Variants in HIKESHI observed in about 807,000 individuals in gnomAD.
HIKESHI encodes the protein heat shock protein nuclear import factor hikeshi.
In HIKESHI, 13 loss-of-function variants were observed where a neutral mutation model predicts 25.7. That is an observed-to-expected ratio of 0.51 (90% CI 0.33 to 0.80). HIKESHI has a LOEUF of 0.80. Ranked by LOEUF, HIKESHI falls within the 30% of genes least tolerant of loss-of-function variation. The pLI, the probability that HIKESHI is intolerant of heterozygous loss-of-function variation, is 0.02. For missense variants in HIKESHI, 174 were observed against 229.5 expected (o/e 0.76, Z 1.56); for synonymous variants, 76 against 78.7 (o/e 0.97, Z 0.18).
At chr11:86,337,964 A>G (rs769210540) in intron 3 of HIKESHI, among the ~76,000 whole-genome samples, 1 of 152,136 alleles carries the variant, frequency 6.6e-6, no homozygotes, top group African/African-American at 2.4e-5. Context: ...CACCCAGCCT[A>G]TATTTTGACA....
At chr11:86,338,741 G>GT (rs988583119) in intron 3 of HIKESHI, among the ~76,000 whole-genome samples, 124 of 151,828 alleles carry the variant, frequency 8.2e-4, no homozygotes, top group South Asian at 2.9e-3. Flanking sequence ...TCTCAAAAAT[G>GT]TTTTTTTTCC....
At chr11:86,317,320 C>G (rs1298983584) in intron 2 of HIKESHI, among the ~76,000 whole-genome samples, 1 of 150,800 alleles carries the variant, frequency 6.6e-6, no homozygotes, top group African/African-American at 2.4e-5. Context: ...AAGACTCTGT[C>G]TCAAAAACAG....
chr11:86,319,761 T>C (rs1273604522), intron 2 of HIKESHI, among the ~76,000 whole-genome samples: 2 of 152,170 alleles, frequency 1.3e-5, no homozygotes, highest in Admixed American at 6.5e-5. Flanking sequence ...AAGAAACTAC[T>C]TGGACTTAGA....
At chr11:86,314,409 G>A (rs1946917342) in intron 2 of HIKESHI, among the ~76,000 whole-genome samples, 1 of 152,100 alleles carries the variant, frequency 6.6e-6, no homozygotes, top group Non-Finnish European at 1.5e-5. Flanking sequence ...GAGCTCAAGA[G>A]TTCAAGACCA....
At position 86,315,780 on chromosome 11, in the gene HIKESHI, G is replaced by T. The variant is rs76702939; in HGVS notation, c.268+9298G>T. Among the ~76,000 whole-genome samples the T allele has an allele frequency of 9.6e-3, 1,456 of 152,166 alleles. 30 individuals carry two copies. The highest frequency in any genetic ancestry group is 0.034 in the African/African-American group (1,398 of 41,500). ...GAAAAGGATGCAAGACACAAAGTTA[G>T]CACAGAAATTGGTAAACCTATAGAC... On this transcript the variant is annotated intron_variant, in intron 2 of 4. Coordinates refer to ENST00000278483, the MANE Select transcript of HIKESHI (RefSeq NM_016401.4).
intron 2 of HIKESHI, among the ~76,000 whole-genome samples, chr11:86,334,049 T>A (rs1947484855): frequency 6.6e-6 from 1 of 152,230 alleles, no homozygotes; most frequent in African/African-American, 2.4e-5. Context: ...GACGCATGTG[T>A]TCCATGTTTA....
chr11:86,331,978 T>TTGTC (rs1565737731), intron 2 of HIKESHI, among the ~76,000 whole-genome samples: 4 of 144,846 alleles, frequency 2.8e-5, no homozygotes, highest in Admixed American at 6.9e-5. Flanking sequence ...AACTGTTTTC[T>TTGTC]TTTCTTTTTT....
chr11:86,344,832 A>G (rs1445449496), intron 4 of HIKESHI, 111 bp downstream of exon 4: 1 of 761,168 alleles, frequency 1.3e-6, no homozygotes, highest in Non-Finnish European at 2.3e-6. Flanking sequence ...TATTGTGAAC[A>G]TCAGCACTGC....
At chr11:86,340,878 C>T (rs1015745248) in intron 3 of HIKESHI, among the ~76,000 whole-genome samples, 3 of 152,066 alleles carry the variant, frequency 2.0e-5, no homozygotes, top group Non-Finnish European at 4.4e-5. Flanking sequence ...CTCCTGACCT[C>T]GTGATCCACC....
Position 86,323,939 on chromosome 11 carries a change from A to T in HIKESHI, c.269-13440A>T, listed in dbSNP as rs540603843. On this transcript the variant is annotated intron_variant, in intron 2 of 4. Transcript: ENST00000278483. ...AGTATGGGAAAATGGATTTGTTTTC[A>T]TTATGATAATACTAGTTCTTTTATT... 5.9e-5 allele frequency: 9 copies of T among 152,320 alleles called. No homozygotes were observed. In the South Asian group the frequency reaches 1.4e-3, roughly 25 times the overall value. The allele number at this position is 152,320 out of a possible 1,614,324, so 9.4% of individuals were successfully genotyped here.
At chr11:86,326,900 C>G (rs1593848440) in intron 2 of HIKESHI, among the ~76,000 whole-genome samples, 1 of 152,042 alleles carries the variant, frequency 6.6e-6, no homozygotes, top group East Asian at 1.9e-4. Flanking sequence ...TAAATTTTTT[C>G]TTGTAAGCAA....
chr11:86,304,495 G>C (rs945719860), intron 1 of HIKESHI, among the ~76,000 whole-genome samples: 4 of 150,190 alleles, frequency 2.7e-5, no homozygotes, highest in Non-Finnish European at 4.4e-5. Context: ...CTGCCAGTGT[G>C]TGAGTTGCAC....
At chr11:86,320,034 G>T (rs914592590) in intron 2 of HIKESHI, among the ~76,000 whole-genome samples, 3 of 152,114 alleles carry the variant, frequency 2.0e-5, no homozygotes, top group Non-Finnish European at 2.9e-5. Context: ...GGAAAGGCAG[G>T]ATAAATGCTT....
intron 2 of HIKESHI, among the ~76,000 whole-genome samples, chr11:86,316,768 ATTCTTTTTTTTTTTTTTTTTTTTTT>A (rs1366412533): frequency 1.2e-5 from 1 of 83,496 alleles, no homozygotes; most frequent in Non-Finnish European, 2.6e-5. Context: ...AATCTGAAAC[ATTCTTTTTTTTTTTTTTTTTTTTTT>A]TTTTTTTTTT....
intron 2 of HIKESHI, among the ~76,000 whole-genome samples, chr11:86,308,366 A>G (rs575652736): frequency 7.7e-6 from 1 of 130,712 alleles, no homozygotes; most frequent in African/African-American, 2.9e-5. Flanking sequence ...TATTACATAT[A>G]AAATGTGTAT....
At position 86,345,510 on chromosome 11, in the gene HIKESHI, A is replaced by G. The variant is rs187152649; in HGVS notation, c.540-74A>G. On this transcript the variant is annotated intron_variant, in intron 4 of 4. Coordinates refer to ENST00000278483, the MANE Select transcript of HIKESHI (RefSeq NM_016401.4). ...ATGACATGTAAAATTGTTTTGGATA[A>G]GTCATTTGGCAGTTAATGAAAGATC... 23 of 817,538 alleles carry G rather than the reference A, an allele frequency of 2.8e-5. 1 individual carries two copies. The East Asian group carries it at 6.1e-4, about 22-fold the overall frequency. 50.6% of individuals were successfully genotyped at this position (817,538 alleles called of 1,614,324 possible). A position where few individuals can be genotyped will look rare whatever the true frequency, so the allele number is the denominator to read the frequency against.
intron 1 of HIKESHI, among the ~76,000 whole-genome samples, chr11:86,304,219 T>G (rs1047855963): frequency 6.6e-6 from 1 of 152,188 alleles, no homozygotes; most frequent in Non-Finnish European, 1.5e-5. Flanking sequence ...TAGTTGAAAT[T>G]ACATAGCAGT....
At chr11:86,338,225 C>T (rs144281774) in intron 3 of HIKESHI, among the ~76,000 whole-genome samples, 1 of 152,074 alleles carries the variant, frequency 6.6e-6, no homozygotes, top group Admixed American at 6.6e-5. Flanking sequence ...CTACTGTCTG[C>T]TTCTGTAAGT....
Position 86,344,716 on chromosome 11 carries a change from G to A in HIKESHI, c.534G>A (p.Leu178=), listed in dbSNP as rs141742418. 1,703 of 1,589,172 alleles carry A rather than the reference G, an allele frequency of 1.1e-3. 15 individuals carry two copies. In the African/African-American group the frequency reaches 0.017, roughly 16 times the overall value. The part of the protein sequence containing the change: ...SEMFIPANVV[L]KWYENFQRRL... ...TGTTCATTCCGGCAAATGTGGTTCT[G>A]AAATGGTATGAGGCATTTTCTGTCT... The change falls in exon 4 of 5, where the codon CTG becomes CTA. Residue 178 remains leucine (L), a synonymous_variant. Coordinates refer to ENST00000278483, the MANE Select transcript of HIKESHI (RefSeq NM_016401.4).
Sources: gnomAD v4.1 joint callset for allele counts (sites outside exome capture counted in the v4.1 genomes callset) on GRCh38, gnomAD v4.1.1 for gene constraint, MANE v1.5 for transcripts, NCBI Gene and HGNC (gene_info 2026-07-23, HGNC 2026-07-21) for gene names.